The following RABEP1 variants were observed in gnomAD, a reference collection of about 807,000 sequenced individuals.
RABEP1 encodes the protein rabaptin, RAB GTPase binding effector protein 1, also known as rab GTPase-binding effector protein 1.
In RABEP1, 51 loss-of-function variants were observed where a neutral mutation model predicts 123.4. The observed-to-expected ratio is 0.41, with a 90% confidence interval of 0.33 to 0.52. The LOEUF (loss-of-function observed/expected upper bound fraction) is 0.52. Ranked by LOEUF, RABEP1 falls within the 20% of genes least tolerant of loss-of-function variation. RABEP1 has a pLI of 0.16. For synonymous variants in RABEP1, 347 were observed against 355.2 expected (o/e 0.98, Z 0.26); for missense variants, 888 against 996.3 (o/e 0.89, Z 1.46).
chr17:5,297,292 C>T (rs988284767), intron 1 of RABEP1, among the ~76,000 whole-genome samples: 1 of 152,012 alleles, frequency 6.6e-6, no homozygotes, highest in Non-Finnish European at 1.5e-5. Flanking sequence ...AACCCCAAAA[C>T]CTAACAGCAT....
intron 2 of RABEP1, among the ~76,000 whole-genome samples, chr17:5,310,648 C>T (rs117025483): frequency 6.6e-6 from 1 of 151,940 alleles, no homozygotes; most frequent in East Asian, 1.9e-4. Flanking sequence ...ATGAAAATAT[C>T]AGTGATTTAT....
Position 5,351,335 on chromosome 17 carries a change from A to G in RABEP1, c.963+706A>G, listed in dbSNP as rs191643631. On this transcript the variant is annotated intron_variant, in intron 7 of 17. Transcript: ENST00000537505. Reference sequence around the variant, plus strand: ...TTTGTTTTAAATACAGTGAAAAAATAAATATAAAGTGATCAAGTGAAAAGT... The same window carrying G: ...TTTGTTTTAAATACAGTGAAAAAATGAATATAAAGTGATCAAGTGAAAAGT... Among the ~76,000 whole-genome samples the G allele has an allele frequency of 4.0e-3, 601 of 152,096 alleles. 2 individuals are homozygous for G. Among genetic ancestry groups the G allele is most frequent in the Non-Finnish European group, 6.0e-3 (405 of 67,996 alleles).
chr17:5,346,230 C>T (rs1458181917), intron 5 of RABEP1, among the ~76,000 whole-genome samples: 3 of 152,088 alleles, frequency 2.0e-5, no homozygotes, highest in Non-Finnish European at 4.4e-5. Context: ...AAGTATTCTG[C>T]ATTTGCCTTT....
chr17:5,341,468 T>A (rs1345936457), intron 5 of RABEP1, among the ~76,000 whole-genome samples: 3 of 152,214 alleles, frequency 2.0e-5, no homozygotes, highest in Non-Finnish European at 4.4e-5. Flanking sequence ...TTATTGTCTC[T>A]TGCCTCCTCT....
At chr17:5,382,909 G>A (rs904107962) in intron 17 of RABEP1, among the ~76,000 whole-genome samples, 7 of 151,442 alleles carry the variant, frequency 4.6e-5, no homozygotes, top group Middle Eastern at 3.4e-3. Flanking sequence ...TGGCCTGGAT[G>A]ATGAGCAAAA....
chr17:5,290,774 T>G (rs2075025803), intron 1 of RABEP1, among the ~76,000 whole-genome samples: 3 of 152,070 alleles, frequency 2.0e-5, no homozygotes, highest in Admixed American at 6.6e-5. Flanking sequence ...TTTTCTAGTT[T>G]TAGTAGAGAG....
At chr17:5,306,206 ATCT>A (rs962165485) in intron 1 of RABEP1, among the ~76,000 whole-genome samples, 17 of 151,882 alleles carry the variant, frequency 1.1e-4, no homozygotes, top group Non-Finnish European at 2.1e-4. Context: ...GCTGGGCAAA[ATCT>A]TCTAACAGAA....
chr17:5,302,749 A>C (rs1232246687), intron 1 of RABEP1, among the ~76,000 whole-genome samples: 1 of 152,068 alleles, frequency 6.6e-6, no homozygotes, highest in Non-Finnish European at 1.5e-5. Flanking sequence ...GCTGGTCTCA[A>C]ACTCCTGGCC....
At chr17:5,285,681 T>C (rs2074971131) in intron 1 of RABEP1, among the ~76,000 whole-genome samples, 1 of 152,214 alleles carries the variant, frequency 6.6e-6, no homozygotes, top group African/African-American at 2.4e-5. Context: ...TACTATTGAA[T>C]ATTACTGCTT....
At chr17:5,285,259 C>T (rs968465823) in intron 1 of RABEP1, among the ~76,000 whole-genome samples, 2 of 149,624 alleles carry the variant, frequency 1.3e-5, no homozygotes, top group African/African-American at 4.9e-5. Context: ...TCAACTATAT[C>T]TTTGAAGCAT....
intron 2 of RABEP1, among the ~76,000 whole-genome samples, chr17:5,311,842 G>C (rs757631668): frequency 5.3e-5 from 8 of 151,778 alleles, no homozygotes; most frequent in Non-Finnish European, 1.2e-4. Flanking sequence ...AAGATAGCTT[G>C]TCAGCATCAA....
At chr17:5,282,858 TGGAAATCG>T (rs1183627242) in intron 1 of RABEP1, among the ~76,000 whole-genome samples, 1 of 151,438 alleles carries the variant, frequency 6.6e-6, no homozygotes. Context: ...TGGGGGAGGA[TGGAAATCG>T]GGAACATGTG....
chr17:5,293,793 CTG>C (rs996305532), intron 1 of RABEP1, among the ~76,000 whole-genome samples: 1 of 152,156 alleles, frequency 6.6e-6, no homozygotes, highest in African/African-American at 2.4e-5. Context: ...AAGATGTTCT[CTG>C]TCGCAAAATC....
At chr17:5,328,239 AAGG>A (rs1906164558) in intron 2 of RABEP1, among the ~76,000 whole-genome samples, 1 of 152,172 alleles carries the variant, frequency 6.6e-6, no homozygotes, top group South Asian at 2.1e-4. Context: ...AAAGAAATGG[AAGG>A]AGATGTAGCA....
intron 1 of RABEP1, among the ~76,000 whole-genome samples, chr17:5,298,260 T>TA (rs1354248770): frequency 2.0e-5 from 3 of 152,124 alleles, no homozygotes; most frequent in Admixed American, 6.5e-5. Context: ...TGTAGGGAGA[T>TA]AAGGAATTAC....
Position 5,385,173 on chromosome 17 carries a change from T to C in RABEP1, c.*1950T>C, listed in dbSNP as rs1911846093. 1 of 229,834 alleles carries C rather than the reference T, an allele frequency of 4.4e-6. No individual in the cohort carries two copies. The highest frequency in any genetic ancestry group is 8.6e-6 in the Non-Finnish European group (1 of 116,040). 14.2% of individuals were successfully genotyped at this position (229,834 alleles called of 1,614,324 possible). A position where few individuals can be genotyped will look rare whatever the true frequency, so the allele number is the denominator to read the frequency against. On this transcript the variant is annotated 3_prime_UTR_variant, in exon 18 of 18. Coordinates refer to ENST00000537505, the MANE Select transcript of RABEP1 (RefSeq NM_004703.6). ...GTAGAAAAACCCAAACTGAGACTCTTAAGTTTTGTTTAGCAATGTGTTTCT... is the reference window on the plus strand; with the variant it reads ...GTAGAAAAACCCAAACTGAGACTCTCAAGTTTTGTTTAGCAATGTGTTTCT...
chr17:5,293,808 TTAGA>T (rs1472597253), intron 1 of RABEP1, among the ~76,000 whole-genome samples: 5 of 152,220 alleles, frequency 3.3e-5, no homozygotes, highest in African/African-American at 9.7e-5. Flanking sequence ...GCAAAATCAA[TTAGA>T]TAGCTGCTCA....
intron 10 of RABEP1, among the ~76,000 whole-genome samples, chr17:5,363,247 G>A (rs1909720249): frequency 6.6e-6 from 1 of 151,032 alleles, no homozygotes; most frequent in African/African-American, 2.4e-5. Context: ...TTTTGAGAGG[G>A]GGTCTCGCTC....
At chr17:5,312,492 T>G (rs948014915) in intron 2 of RABEP1, among the ~76,000 whole-genome samples, 3 of 152,140 alleles carry the variant, frequency 2.0e-5, no homozygotes, top group African/African-American at 7.2e-5. Flanking sequence ...TGAACCATAG[T>G]AAAATACTAT....
Sources: allele counts gnomAD v4.1 joint callset (sites outside exome capture counted in the v4.1 genomes callset), GRCh38; gene constraint gnomAD v4.1.1; transcripts MANE v1.5; gene names NCBI Gene and HGNC (gene_info 2026-07-23, HGNC 2026-07-21).